The following RORA variants were observed in gnomAD, a reference collection of about 807,000 sequenced individuals.
RORA encodes the protein nuclear receptor ROR-alpha.
A neutral mutation model predicts 69.5 loss-of-function variants in RORA; 7 were observed. The observed-to-expected ratio is 0.10, with a 90% CI of 0.06 to 0.19. The LOEUF (loss-of-function observed/expected upper bound fraction) is 0.19, where lower values mean the gene tolerates loss of function less well. Among genes scored for constraint, RORA ranks in the 10% least tolerant of loss-of-function variants. The pLI, the probability that RORA is intolerant of heterozygous loss-of-function variation, is 1.00. For missense variants in RORA, 457 were observed against 663.0 expected (o/e 0.69, Z 3.41); for synonymous variants, 261 against 240.8 (o/e 1.08, Z -0.78).
At chr15:60,769,150 G>A (rs532062199) in intron 1 of RORA, among the ~76,000 whole-genome samples, 2 of 152,294 alleles carry the variant, frequency 1.3e-5, no homozygotes, top group Non-Finnish European at 2.9e-5. Context: ...CAGGTTCTTA[G>A]CTGTTAGTCC....
intron 1 of RORA, among the ~76,000 whole-genome samples, chr15:61,132,654 A>T (rs2140846454): frequency 6.6e-6 from 1 of 152,318 alleles, no homozygotes; most frequent in Non-Finnish European, 1.5e-5. Context: ...CATAAATAGA[A>T]TTTCCTTCAG....
chr15:61,040,349 A>AACAGTTTGG (rs1266797157), intron 1 of RORA, among the ~76,000 whole-genome samples: 13 of 151,586 alleles, frequency 8.6e-5, no homozygotes, highest in East Asian at 1.9e-4. Context: ...TTGCAAAAAG[A>AACAGTTTGG]ACAGTTTGGA....
intron 1 of RORA, among the ~76,000 whole-genome samples, chr15:60,901,667 T>C (rs181082973): frequency 4.9e-5 from 2 of 40,410 alleles, no homozygotes; most frequent in East Asian, 1.2e-3. Flanking sequence ...TAAATAATCG[T>C]AAGTGCTTAA....
intron 1 of RORA, among the ~76,000 whole-genome samples, chr15:60,686,078 G>C (rs2070743387): frequency 6.6e-6 from 1 of 152,102 alleles, no homozygotes; most frequent in Admixed American, 6.6e-5. Context: ...AAAAATTTGT[G>C]ATTGCTCTCC....
At chr15:61,220,050 T>A (rs2080080169) in intron 1 of RORA, among the ~76,000 whole-genome samples, 1 of 152,216 alleles carries the variant, frequency 6.6e-6, no homozygotes, top group African/African-American at 2.4e-5. Context: ...CTATAGAAAT[T>A]GCCCGGGTTC....
intron 1 of RORA, among the ~76,000 whole-genome samples, chr15:61,188,416 T>C (rs2079765183): frequency 6.6e-6 from 1 of 152,168 alleles, no homozygotes; most frequent in African/African-American, 2.4e-5. Context: ...CTGACCCTTA[T>C]TCTGGGGCAG....
At position 61,084,482 on chromosome 15, in the gene RORA, T is replaced by C. The variant is rs2078593620; in HGVS notation, c.166+144571A>G. 2.0e-5 allele frequency among the ~76,000 whole-genome samples: 3 copies of C among 152,204 alleles called. No homozygotes were observed. In the South Asian group the frequency reaches 6.2e-4, roughly 31 times the overall value. Reference sequence around the variant, plus strand: ...TAATTTATTTGACCTTTTTCAGAGGTACCTAAATATAGGAAATAGTTAACA... The same window carrying C: ...TAATTTATTTGACCTTTTTCAGAGGCACCTAAATATAGGAAATAGTTAACA... On this transcript the variant is annotated intron_variant, in intron 1 of 10. Coordinates refer to ENST00000335670, the MANE Select transcript of RORA (RefSeq NM_134261.3).
chr15:60,830,963 G>A (rs938141021), intron 1 of RORA, among the ~76,000 whole-genome samples: 2 of 152,202 alleles, frequency 1.3e-5, no homozygotes, highest in Admixed American at 6.5e-5. Flanking sequence ...GTGTGTATGT[G>A]TGTGGATCCA....
intron 1 of RORA, among the ~76,000 whole-genome samples, chr15:61,129,337 G>C (rs1596013122): frequency 6.6e-6 from 1 of 152,134 alleles, no homozygotes; most frequent in African/African-American, 2.4e-5. Flanking sequence ...AGTGAAAGAA[G>C]CCAGACATAA....
intron 1 of RORA, among the ~76,000 whole-genome samples, chr15:60,685,544 C>A (rs1313742010): frequency 6.6e-6 from 1 of 152,184 alleles, no homozygotes; most frequent in Non-Finnish European, 1.5e-5. Context: ...AATCTATGCA[C>A]GAGGCGGATC....
intron 2 of RORA, among the ~76,000 whole-genome samples, chr15:60,566,306 T>G (rs562431071): frequency 6.6e-6 from 1 of 152,216 alleles, no homozygotes; most frequent in Non-Finnish European, 1.5e-5. Flanking sequence ...TTCCTTTTTC[T>G]TAGTAAAAAA....
At chr15:60,925,039 A>T (rs1323494780) in intron 1 of RORA, among the ~76,000 whole-genome samples, 2 of 152,070 alleles carry the variant, frequency 1.3e-5, no homozygotes, top group Non-Finnish European at 2.9e-5. Context: ...AGATTGGGTC[A>T]CTGCATTCCA....
intron 1 of RORA, among the ~76,000 whole-genome samples, chr15:60,891,152 G>A (rs2073809135): frequency 6.6e-6 from 1 of 152,214 alleles, no homozygotes; most frequent in South Asian, 2.1e-4. Context: ...CCATGTGTGA[G>A]CCAATATGAT....
intron 1 of RORA, among the ~76,000 whole-genome samples, chr15:60,864,048 G>T (rs7165952): frequency 6.6e-6 from 1 of 151,946 alleles, no homozygotes; most frequent in African/African-American, 2.4e-5. Context: ...CTCGTGATCC[G>T]CCTGCCACAG....
At chr15:61,089,562 G>A (rs1409536561) in intron 1 of RORA, among the ~76,000 whole-genome samples, 2 of 152,170 alleles carry the variant, frequency 1.3e-5, no homozygotes, top group African/African-American at 4.8e-5. Context: ...GAATACACAG[G>A]CCATCCTTGG....
intron 2 of RORA, among the ~76,000 whole-genome samples, chr15:60,570,215 C>A (rs1330021632): frequency 1.3e-5 from 2 of 152,098 alleles, no homozygotes; most frequent in Non-Finnish European, 2.9e-5. Context: ...ATGAAAAATG[C>A]CTTCCTTTCT....
At chr15:61,194,614 T>C (rs2079831030) in intron 1 of RORA, among the ~76,000 whole-genome samples, 1 of 151,522 alleles carries the variant, frequency 6.6e-6, no homozygotes, top group Admixed American at 6.6e-5. Flanking sequence ...TCCACATACA[T>C]CATTCCATAG....
chr15:60,498,965 T>C (rs2065248273), intron 10 of RORA, among the ~76,000 whole-genome samples: 1 of 152,052 alleles, frequency 6.6e-6, no homozygotes, highest in Non-Finnish European at 1.5e-5. Context: ...ACAGGGCTGA[T>C]TGTTCTAAGA....
At chr15:60,557,548 A>G (rs959075106) in intron 2 of RORA, among the ~76,000 whole-genome samples, 1 of 152,212 alleles carries the variant, frequency 6.6e-6, no homozygotes, top group Non-Finnish European at 1.5e-5. Context: ...AAACTCTGGG[A>G]TGGAGGCATT....
Sources: allele counts gnomAD v4.1 joint callset (sites outside exome capture counted in the v4.1 genomes callset), GRCh38; gene constraint gnomAD v4.1.1; transcripts MANE v1.5; gene names NCBI Gene and HGNC (gene_info 2026-07-23, HGNC 2026-07-21).